Variants in SLC28A1 observed in about 807,000 individuals in gnomAD.
The protein encoded by SLC28A1 is solute carrier family 28 member 1, also known as sodium/nucleoside cotransporter 1.
In SLC28A1, 64 loss-of-function variants were observed where a neutral mutation model predicts 74.8. That is an observed-to-expected ratio of 0.86 (90% CI 0.70 to 1.05). The LOEUF (loss-of-function observed/expected upper bound fraction) is 1.05, where lower values mean the gene tolerates loss of function less well. Among genes scored for constraint, SLC28A1 ranks in the 50% least tolerant of loss-of-function variants. SLC28A1 has a pLI of 0.00. For missense variants in SLC28A1, 828 were observed against 822.8 expected, an observed-to-expected ratio of 1.01 and a Z score of -0.08; for synonymous variants, 359 against 335.0, an observed-to-expected ratio of 1.07 and a Z score of -0.78.
At chr15:84,938,432 T>C (rs1169363680) in intron 15 of SLC28A1, 4 of 152,112 alleles carry the variant, frequency 2.6e-5, no homozygotes, top group Non-Finnish European at 5.9e-5. Context: ...ATAGAATGCT[T>C]CATGAATTTG....
At chr15:84,948,825 G>T (rs767414214), downstream of SLC28A1, among the ~76,000 whole-genome samples, 15 of 152,066 alleles carry the variant, frequency 9.9e-5, no homozygotes, top group African/African-American at 3.6e-4. Context: ...ATAACCTCAC[G>T]CCTCTCATTG....
intron 12 of SLC28A1, among the ~76,000 whole-genome samples, chr15:84,930,856 G>A (rs1230681248): frequency 1.3e-5 from 2 of 151,482 alleles, no homozygotes; most frequent in Non-Finnish European, 2.9e-5. Flanking sequence ...TGCAACCTCC[G>A]CCTCCTGGGT....
At chr15:84,962,729 A>G in the SLC28A1 span, among the ~76,000 whole-genome samples, 235 of 152,324 alleles carry the variant, frequency 1.5e-3, 2 homozygotes, top group South Asian at 0.013. Flanking sequence ...GAGAGCAGGA[A>G]GAAGGGAGAG....
At chr15:84,954,218 C>T in the SLC28A1 span, among the ~76,000 whole-genome samples, 6 of 152,144 alleles carry the variant, frequency 3.9e-5, no homozygotes, top group Non-Finnish European at 8.8e-5. Context: ...TCAGTGTGGC[C>T]TGGCTCTTCT....
intron 9 of SLC28A1, among the ~76,000 whole-genome samples, chr15:84,912,456 C>A (rs920272499): frequency 6.6e-6 from 1 of 152,166 alleles, no homozygotes; most frequent in Non-Finnish European, 1.5e-5. Context: ...TTCTTCAGCC[C>A]TCAGCTTGCC....
At chr15:84,928,586 CTTTCTT>C (rs1970844186) in intron 12 of SLC28A1, among the ~76,000 whole-genome samples, 1 of 22,312 alleles carries the variant, frequency 4.5e-5, no homozygotes, top group Admixed American at 3.9e-4. Context: ...TTCTTTCTTT[CTTTCTT>C]TCTTTCTTTC....
chr15:84,908,505 T>C (rs141963266), intron 8 of SLC28A1, among the ~76,000 whole-genome samples: 269 of 152,168 alleles, frequency 1.8e-3, no homozygotes, highest in Middle Eastern at 0.017. Flanking sequence ...TCTTTAAAAT[T>C]GACCAAAAAG....
intron 18 of SLC28A1, 106 bp from the exon 19 acceptor site, chr15:84,945,019 A>G: frequency 1.7e-6 from 2 of 1,155,060 alleles, no homozygotes; most frequent in African/African-American, 1.5e-5. Context: ...CAATGGAGGA[A>G]GGGTGGACCA....
intron 14 of SLC28A1, 28 bp from the exon 15 acceptor site, chr15:84,935,293 G>A (rs149554561): frequency 6.6e-5 from 106 of 1,613,694 alleles, no homozygotes; most frequent in East Asian, 1.3e-4. Flanking sequence ...CCCAGCCCTC[G>A]GTGCCAGCCA....
chr15:84,946,917 G>A (rs991438923), downstream of SLC28A1, among the ~76,000 whole-genome samples: 2 of 152,192 alleles, frequency 1.3e-5, no homozygotes, highest in Non-Finnish European at 2.9e-5. Context: ...CCCTGCCCTT[G>A]TGGCTGCTGG....
the SLC28A1 span, chr15:84,961,680 GA>G: frequency 3.0e-6 from 1 of 336,088 alleles, no homozygotes; most frequent in African/African-American, 2.2e-5. Context: ...CTAAGATTCC[GA>G]GACTGTTACG....
intron 4 of SLC28A1, 90 bp downstream of exon 4, chr15:84,888,950 T>A (rs17222309): frequency 3.3e-6 from 3 of 897,688 alleles, no homozygotes; most frequent in Admixed American, 2.0e-5. Flanking sequence ...CGGATGGGAG[T>A]TGGGGGGACG....
intron 12 of SLC28A1, among the ~76,000 whole-genome samples, chr15:84,926,050 T>C (rs963412171): frequency 8.1e-5 from 12 of 147,424 alleles, no homozygotes; most frequent in Non-Finnish European, 1.0e-4. Flanking sequence ...AATATTTTGT[T>C]TTTTTATTTT....
chr15:84,916,244 T>TGCCTGGCC (rs1969089255), intron 9 of SLC28A1, among the ~76,000 whole-genome samples: 1 of 138,780 alleles, frequency 7.2e-6, no homozygotes, highest in Admixed American at 7.2e-5. Flanking sequence ...GGATTACTTT[T>TGCCTGGCC]TTTTTTTTTT....
chr15:84,966,837 T>A, the SLC28A1 span, among the ~76,000 whole-genome samples: 1 of 152,188 alleles, frequency 6.6e-6, no homozygotes, highest in South Asian at 2.1e-4. Context: ...GTGTGGGAAT[T>A]CAAGATGAGA....
intron 12 of SLC28A1, among the ~76,000 whole-genome samples, chr15:84,926,927 C>T (rs1970589069): frequency 6.6e-6 from 1 of 152,132 alleles, no homozygotes; most frequent in Middle Eastern, 3.2e-3. Context: ...GAACAAACAG[C>T]CAGCCTGCCC....
At chr15:84,963,491 C>T in the SLC28A1 span, among the ~76,000 whole-genome samples, 4 of 152,180 alleles carry the variant, frequency 2.6e-5, no homozygotes, top group Non-Finnish European at 4.4e-5. Context: ...ACAGTCATAG[C>T]GAGTGGTGGA....
the SLC28A1 span, among the ~76,000 whole-genome samples, chr15:84,954,179 G>T: frequency 1.3e-5 from 2 of 152,170 alleles, no homozygotes; most frequent in Non-Finnish European, 2.9e-5. Flanking sequence ...CAGACCCATT[G>T]TTGAGGCCTA....
the SLC28A1 span, among the ~76,000 whole-genome samples, chr15:84,961,077 C>T: frequency 9.2e-5 from 14 of 152,152 alleles, no homozygotes; most frequent in African/African-American, 3.4e-4. Flanking sequence ...TTTCAGGTTT[C>T]TCATCTGTAA....
Sources: gnomAD v4.1 joint callset for allele counts (sites outside exome capture counted in the v4.1 genomes callset) on GRCh38, gnomAD v4.1.1 for gene constraint, MANE v1.5 for transcripts, NCBI Gene and HGNC (gene_info 2026-07-23, HGNC 2026-07-21) for gene names.